DTNBP1: variants seen among roughly 807,000 people sequenced by gnomAD.
DTNBP1 encodes dysbindin.
DTNBP1 carries 35 observed loss-of-function variants against 42.8 expected under a neutral mutation model. That is an observed-to-expected ratio of 0.82 (90% CI 0.63 to 1.09). The LOEUF (loss-of-function observed/expected upper bound fraction) is 1.09, where lower values mean the gene tolerates loss of function less well. Ranked by LOEUF, DTNBP1 falls within the 50% of genes least tolerant of loss-of-function variation. DTNBP1 has a pLI of 0.00. For synonymous variants in DTNBP1, 171 were observed against 162.2 expected, an observed-to-expected ratio of 1.05 and a Z score of -0.41; for missense variants, 457 against 424.2, an observed-to-expected ratio of 1.08 and a Z score of -0.68.
chr6:15,554,365 A>C lies in DTNBP1; in HGVS notation c.512-20970T>G, dbSNP rs139203273. On this transcript the variant is annotated intron_variant, in intron 7 of 9. Transcript: ENST00000344537. Reference sequence around the variant, plus strand: ...CCCAAGTAGCTGGAATTACAGGTGCATACCACTATGCCCAGTGGCTTTTTT... The same window carrying C: ...CCCAAGTAGCTGGAATTACAGGTGCCTACCACTATGCCCAGTGGCTTTTTT... Among the ~76,000 whole-genome samples, 701 of 152,284 alleles carry C rather than the reference A, an allele frequency of 4.6e-3. 5 individuals carry two copies. The highest frequency in any genetic ancestry group is 0.016 in the African/African-American group (674 of 41,550).
chr6:15,636,627 T>C (rs779581735), intron 4 of DTNBP1, among the ~76,000 whole-genome samples: 13 of 152,208 alleles, frequency 8.5e-5, no homozygotes, highest in Non-Finnish European at 1.5e-4. Context: ...GTACATTTTT[T>C]TTCCCCCTAG....
rs577995814 is a variant in DTNBP1, at chr6:15,565,218, T to A, written c.511+27841A>T. ...GGATGAGGAGAAACTGAAACCCTAATACATTGCTGGAGGGAATGTAAAATT... is the reference window on the plus strand; with the variant it reads ...GGATGAGGAGAAACTGAAACCCTAAAACATTGCTGGAGGGAATGTAAAATT... On this transcript the variant is annotated intron_variant, in intron 7 of 9. Transcript: ENST00000344537. 1.0e-3 allele frequency among the ~76,000 whole-genome samples: 159 copies of A among 152,334 alleles called. 1 individual carries two copies. Among genetic ancestry groups the A allele is most frequent in the Non-Finnish European group, 1.8e-3 (125 of 68,034 alleles).
intron 7 of DTNBP1, among the ~76,000 whole-genome samples, chr6:15,582,133 T>C (rs753772684): frequency 6.6e-6 from 1 of 152,156 alleles, no homozygotes; most frequent in Non-Finnish European, 1.5e-5. Flanking sequence ...GTTTGCGGTA[T>C]AGAAAGAGAA....
chr6:15,580,701 C>T (rs1581353803), intron 7 of DTNBP1, among the ~76,000 whole-genome samples: 1 of 152,214 alleles, frequency 6.6e-6, no homozygotes, highest in East Asian at 1.9e-4. Flanking sequence ...TTCCCAGAAG[C>T]TTTTTAAATT....
intron 7 of DTNBP1, among the ~76,000 whole-genome samples, chr6:15,571,932 G>C (rs1775355516): frequency 6.6e-6 from 1 of 152,058 alleles, no homozygotes; most frequent in Admixed American, 6.5e-5. Context: ...TTAATAAACT[G>C]TTTCTGAAAC....
intron 1 of DTNBP1, among the ~76,000 whole-genome samples, chr6:15,657,340 A>C (rs961032636): frequency 5.3e-5 from 8 of 152,290 alleles, no homozygotes; most frequent in African/African-American, 1.7e-4. Flanking sequence ...GGTATATGAC[A>C]CCATTTATCT....
chr6:15,660,626 C>A, intron 1 of DTNBP1: 1 of 1,135,926 alleles, frequency 8.8e-7, no homozygotes. Flanking sequence ...AGTCAGTTTC[C>A]AAGGGGTTCT....
intron 8 of DTNBP1, 56 bp from the exon 9 acceptor site, chr6:15,524,725 G>A: frequency 6.3e-7 from 1 of 1,598,066 alleles, no homozygotes; most frequent in Non-Finnish European, 8.5e-7. Context: ...ACTTTAAAAG[G>A]TGAACTTCCA....
intron 1 of DTNBP1, among the ~76,000 whole-genome samples, chr6:15,655,210 C>T (rs1368772109): frequency 6.6e-6 from 1 of 152,136 alleles, no homozygotes; most frequent in Non-Finnish European, 1.5e-5. Flanking sequence ...CAGCCTCAAG[C>T]TCCTGGCCTT....
chr6:15,584,710 T>C (rs1457419011), intron 7 of DTNBP1, among the ~76,000 whole-genome samples: 2 of 146,114 alleles, frequency 1.4e-5, no homozygotes, highest in Non-Finnish European at 3.0e-5. Flanking sequence ...TATTTCTTTT[T>C]TTTTTTTTTT....
chr6:15,650,658 C>T (rs573215891), intron 3 of DTNBP1, among the ~76,000 whole-genome samples: 1 of 152,222 alleles, frequency 6.6e-6, no homozygotes, highest in South Asian at 2.1e-4. Flanking sequence ...CGGTCGTTTG[C>T]ATATCTTCTT....
chr6:15,650,755 T>C (rs1760946869), intron 3 of DTNBP1, among the ~76,000 whole-genome samples: 1 of 152,220 alleles, frequency 6.6e-6, no homozygotes, highest in Admixed American at 6.5e-5. Flanking sequence ...TTATATATTC[T>C]GGATACATGT....
intron 7 of DTNBP1, among the ~76,000 whole-genome samples, chr6:15,574,564 C>T (rs1255622263): frequency 6.6e-6 from 1 of 152,210 alleles, no homozygotes. Context: ...ATATTGTTTT[C>T]ACCAAAAATT....
At chr6:15,558,670 A>G (rs1331546724) in intron 7 of DTNBP1, among the ~76,000 whole-genome samples, 1 of 152,222 alleles carries the variant, frequency 6.6e-6, no homozygotes, top group African/African-American at 2.4e-5. Flanking sequence ...ATGTATTCAT[A>G]AATATTGAGC....
At chr6:15,568,172 T>C (rs1051230687) in intron 7 of DTNBP1, among the ~76,000 whole-genome samples, 4 of 152,308 alleles carry the variant, frequency 2.6e-5, no homozygotes, top group African/African-American at 7.2e-5. Context: ...ATCTTCTGTA[T>C]ACCTGGAATA....
At position 15,662,881 on chromosome 6, in the gene DTNBP1, C is replaced by G. The variant is rs773027781; in HGVS notation, c.-12G>C. 1 of 1,604,498 alleles carries G rather than the reference C, an allele frequency of 6.2e-7. No homozygotes were observed. Among genetic ancestry groups the G allele is most frequent in the South Asian group, 1.1e-5 (1 of 91,066 alleles). On this transcript the variant is annotated 5_prime_UTR_variant, in exon 1 of 10. Transcript: ENST00000344537. Reference sequence around the variant, plus strand: ...AGGGTCTCCAGCATTGCCGCCGCCGCCGGTCTCCTCTCCTCAGGCCTCGGG... The same window carrying G: ...AGGGTCTCCAGCATTGCCGCCGCCGGCGGTCTCCTCTCCTCAGGCCTCGGG...
At chr6:15,615,952 A>T (rs1758692582) in intron 5 of DTNBP1, among the ~76,000 whole-genome samples, 1 of 152,222 alleles carries the variant, frequency 6.6e-6, no homozygotes, top group Non-Finnish European at 1.5e-5. Context: ...TGAGGAACAG[A>T]CTTTGCTCTG....
chr6:15,565,564 A>G (rs763579777), intron 7 of DTNBP1, among the ~76,000 whole-genome samples: 39 of 152,240 alleles, frequency 2.6e-4, no homozygotes, highest in Non-Finnish European at 5.3e-4. Context: ...ATGCTAAGTG[A>G]AAGAAGCCAA....
At chr6:15,554,605 G>A (rs1218849993) in intron 7 of DTNBP1, among the ~76,000 whole-genome samples, 1 of 152,226 alleles carries the variant, frequency 6.6e-6, no homozygotes, top group Non-Finnish European at 1.5e-5. Context: ...CACTTTGAGG[G>A]AGGGGCAGAG....
Sources: gnomAD v4.1 joint callset for allele counts (sites outside exome capture counted in the v4.1 genomes callset) on GRCh38, gnomAD v4.1.1 for gene constraint, MANE v1.5 for transcripts, NCBI Gene and HGNC (gene_info 2026-07-23, HGNC 2026-07-21) for gene names.